RORB: variants seen among roughly 807,000 people sequenced by gnomAD.
RORB encodes RAR related orphan receptor B, also known as nuclear receptor ROR-beta.
A neutral mutation model predicts 59.1 loss-of-function variants in RORB; 6 were observed. The ratio of observed to expected loss-of-function variants is 0.10; its 90% CI spans 0.06 to 0.20. The LOEUF is 0.20. RORB is among the 10% of genes least tolerant of loss of function. The pLI is 1.00. For missense variants in RORB, 320 were observed against 560.5 expected (o/e 0.57, Z 4.33); for synonymous variants, 215 against 204.5 (o/e 1.05, Z -0.44).
chr9:74,639,383 G>T (rs1218526018), intron 3 of RORB, among the ~76,000 whole-genome samples: 1 of 152,140 alleles, frequency 6.6e-6, no homozygotes, highest in East Asian at 1.9e-4. Flanking sequence ...AACTGACATG[G>T]GGAAGGGCAT....
At chr9:74,674,717 AC>A (rs1189658378) in intron 9 of RORB, among the ~76,000 whole-genome samples, 9 of 152,240 alleles carry the variant, frequency 5.9e-5, no homozygotes, top group African/African-American at 2.2e-4. Context: ...CCATGTGTTA[AC>A]CTGTGTTGTG....
intron 4 of RORB, among the ~76,000 whole-genome samples, chr9:74,647,993 G>A (rs779394388): frequency 2.0e-5 from 3 of 152,152 alleles, no homozygotes; most frequent in Non-Finnish European, 2.9e-5. Context: ...CAGAAATGGT[G>A]CAGAGAATAG....
chr9:74,533,834 C>A (rs1366630058), intron 1 of RORB, among the ~76,000 whole-genome samples: 1 of 151,854 alleles, frequency 6.6e-6, no homozygotes, highest in Non-Finnish European at 1.5e-5. Flanking sequence ...TGAACTTGTT[C>A]TCTTACTGAA....
chr9:74,558,120 C>T (rs959686341), intron 1 of RORB, among the ~76,000 whole-genome samples: 5 of 152,038 alleles, frequency 3.3e-5, no homozygotes, highest in Non-Finnish European at 7.4e-5. Context: ...GTAAATATTG[C>T]TATTTTTAAA....
In RORB at chr9:74,693,136, T is replaced by A. The variant is rs1207883329; in HGVS notation, c.*7518T>A. 6.6e-6 allele frequency: 1 copy of A among 152,132 alleles called. No homozygotes were observed. The highest frequency in any genetic ancestry group is 2.4e-5 in the African/African-American group (1 of 41,426). 9.4% of individuals were successfully genotyped at this position (152,132 alleles called of 1,614,324 possible). On this transcript the variant is annotated 3_prime_UTR_variant, in exon 10 of 10. Transcript: ENST00000376896. ...GACAATCAATGTTTATGAAGTTTCCTCCTTTAATGCTGAACAAAATTAAAA... is the reference window on the plus strand; with the variant it reads ...GACAATCAATGTTTATGAAGTTTCCACCTTTAATGCTGAACAAAATTAAAA...
intron 1 of RORB, among the ~76,000 whole-genome samples, chr9:74,577,454 T>TCCTA (rs1822654209): frequency 6.6e-6 from 1 of 152,084 alleles, no homozygotes; most frequent in Non-Finnish European, 1.5e-5. Context: ...CTGTCAGGCA[T>TCCTA]CACAGTACAT....
At chr9:74,677,755 A>C (rs906210014) in intron 9 of RORB, among the ~76,000 whole-genome samples, 8 of 152,234 alleles carry the variant, frequency 5.3e-5, no homozygotes, top group Non-Finnish European at 8.8e-5. Flanking sequence ...TGCAGCCTTC[A>C]CTTTGCAGGA....
At chr9:74,528,983 T>A (rs1826194660) in intron 1 of RORB, among the ~76,000 whole-genome samples, 2 of 152,026 alleles carry the variant, frequency 1.3e-5, no homozygotes, top group Non-Finnish European at 2.9e-5. Context: ...TTCTTGAAAC[T>A]TCTTTCAAAA....
chr9:74,576,932 C>T lies in RORB; in HGVS notation c.8-53350C>T, dbSNP rs138052565. Among the ~76,000 whole-genome samples the T allele has an allele frequency of 5.8e-3, 887 of 152,082 alleles. 10 individuals carry two copies. The highest frequency in any genetic ancestry group is 0.02 in the African/African-American group (839 of 41,484). On this transcript the variant is annotated intron_variant, in intron 1 of 9. Coordinates refer to ENST00000376896, the MANE Select transcript of RORB (RefSeq NM_006914.4). ...CATTCATTTGTCTACAGTCACACAG[C>T]CTGTAAGAGGAGAATCCAGTTTTCA... is the stretch of plus-strand genomic sequence containing the variant.
At chr9:74,661,358 C>A (rs1476443597) in intron 5 of RORB, among the ~76,000 whole-genome samples, 3 of 152,080 alleles carry the variant, frequency 2.0e-5, no homozygotes, top group African/African-American at 2.4e-5. Context: ...GTAGATGGAA[C>A]TTTAATAAAA....
intron 9 of RORB, among the ~76,000 whole-genome samples, chr9:74,684,316 G>A (rs778293533): frequency 2.6e-5 from 4 of 152,174 alleles, no homozygotes; most frequent in African/African-American, 9.7e-5. Context: ...ATAGGGTAGG[G>A]AACATGATGA....
At chr9:74,661,151 G>C (rs1314801537) in intron 5 of RORB, among the ~76,000 whole-genome samples, 2 of 152,136 alleles carry the variant, frequency 1.3e-5, no homozygotes, top group Non-Finnish European at 2.9e-5. Context: ...TATGGAACAA[G>C]GCTTTCTAAA....
chr9:74,682,714 A>T (rs1447174586), intron 9 of RORB, among the ~76,000 whole-genome samples: 1 of 152,184 alleles, frequency 6.6e-6, no homozygotes, highest in East Asian at 1.9e-4. Context: ...CTAATTCTAC[A>T]CTTAGTTCAG....
At chr9:74,580,058 AC>A (rs1174953851) in intron 1 of RORB, among the ~76,000 whole-genome samples, 1 of 152,110 alleles carries the variant, frequency 6.6e-6, no homozygotes, top group Non-Finnish European at 1.5e-5. Flanking sequence ...TTTAAATTAA[AC>A]TATCATAGGT....
At chr9:74,554,183 G>C (rs967015984) in intron 1 of RORB, among the ~76,000 whole-genome samples, 1 of 152,124 alleles carries the variant, frequency 6.6e-6, no homozygotes, top group African/African-American at 2.4e-5. Context: ...AGATAAATGA[G>C]AACCAGAAAA....
intron 1 of RORB, among the ~76,000 whole-genome samples, chr9:74,623,404 T>C (rs1722561502): frequency 6.6e-6 from 1 of 152,094 alleles, no homozygotes; most frequent in South Asian, 2.1e-4. Context: ...GTTCTCTTTT[T>C]TCTGCCTTGT....
At chr9:74,657,630 C>G (rs866966329) in intron 4 of RORB, among the ~76,000 whole-genome samples, 14 of 152,130 alleles carry the variant, frequency 9.2e-5, no homozygotes, top group African/African-American at 3.1e-4. Context: ...AAGTTAGCCA[C>G]TTTCTTCTTT....
chr9:74,564,034 T>C (rs1396334697), intron 1 of RORB, among the ~76,000 whole-genome samples: 2 of 152,222 alleles, frequency 1.3e-5, no homozygotes, highest in African/African-American at 4.8e-5. Context: ...TATGCCTGTT[T>C]CTCATTTCTC....
At chr9:74,561,272 T>A (rs192399662) in intron 1 of RORB, among the ~76,000 whole-genome samples, 1 of 152,262 alleles carries the variant, frequency 6.6e-6, no homozygotes, top group East Asian at 1.9e-4. Context: ...TGGTTCTTGT[T>A]CTAAATGTCA....
Sources: gnomAD v4.1 joint callset for allele counts (sites outside exome capture counted in the v4.1 genomes callset) on GRCh38, gnomAD v4.1.1 for gene constraint, MANE v1.5 for transcripts, NCBI Gene and HGNC (gene_info 2026-07-23, HGNC 2026-07-21) for gene names.